The following DLG2 variants were observed in gnomAD, a reference collection of about 807,000 sequenced individuals.
DLG2 encodes the protein disks large homolog 2.
DLG2 carries 45 observed loss-of-function variants against 132.5 expected under a neutral mutation model. That is an observed-to-expected ratio of 0.34 (90% CI 0.27 to 0.44). The LOEUF is 0.44. DLG2 is among the 20% of genes least tolerant of loss of function. DLG2 has a pLI of 1.00. For synonymous variants in DLG2, 424 were observed against 419.6 expected (o/e 1.01, Z -0.13); for missense variants, 1,045 against 1,196.9 (o/e 0.87, Z 1.87).
chr11:83,978,341 ACTAT>A lies in DLG2; in HGVS notation c.1056+2161_1056+2164del, dbSNP rs1219495996. ...CCGTGAGTCAAAGGTCAAACCAGTAACTATCTAAGACAGTCATTACTTGAGAACG... is the reference window on the plus strand; with the variant it reads ...CCGTGAGTCAAAGGTCAAACCAGTAACTAAGACAGTCATTACTTGAGAACG... On this transcript the variant is annotated intron_variant, in intron 12 of 27. Coordinates refer to ENST00000376104, the MANE Select transcript of DLG2 (RefSeq NM_001142699.3). 3.3e-5 allele frequency among the ~76,000 whole-genome samples: 5 copies of A among 152,178 alleles called. No homozygotes were observed. The East Asian group carries it at 7.7e-4, about 23-fold the overall frequency.
chr11:84,723,511 A>G (rs1161256454), intron 6 of DLG2, among the ~76,000 whole-genome samples: 4 of 152,150 alleles, frequency 2.6e-5, no homozygotes, highest in African/African-American at 7.2e-5. Context: ...TCCTCTCCAA[A>G]TAATAACTCT....
chr11:84,658,731 T>C (rs1182948398), intron 6 of DLG2, among the ~76,000 whole-genome samples: 1 of 152,110 alleles, frequency 6.6e-6, no homozygotes, highest in Non-Finnish European at 1.5e-5. Flanking sequence ...CCACTCCTCT[T>C]TTGCCTTCCA....
At chr11:84,263,114 C>A (rs2097568844) in intron 7 of DLG2, among the ~76,000 whole-genome samples, 2 of 152,050 alleles carry the variant, frequency 1.3e-5, no homozygotes, top group African/African-American at 2.4e-5. Context: ...ACTGAGTCTC[C>A]CCAGTTAGTT....
At chr11:84,875,162 G>A (rs573289532) in intron 6 of DLG2, among the ~76,000 whole-genome samples, 69 of 152,114 alleles carry the variant, frequency 4.5e-4, no homozygotes, top group African/African-American at 1.6e-3. Context: ...TAAGAATGAC[G>A]GAGGAGGGGA....
Position 83,713,380 on chromosome 11 carries a change from G to A in DLG2, c.1825+73310C>T, listed in dbSNP as rs183640800. The stretch of plus-strand genomic sequence containing the variant: ...ATGGGTGAGGTTTGCATAAAAGACG[G>A]ATTTCCAGAGTCGAAGAACATCAAA... On this transcript the variant is annotated intron_variant, in intron 18 of 27. Coordinates refer to ENST00000376104, the MANE Select transcript of DLG2 (RefSeq NM_001142699.3). 2.5e-4 allele frequency among the ~76,000 whole-genome samples: 38 copies of A among 152,316 alleles called. 1 individual carries two copies. Among genetic ancestry groups the A allele is most frequent in the African/African-American group, 8.9e-4 (37 of 41,574 alleles).
intron 21 of DLG2, among the ~76,000 whole-genome samples, chr11:83,493,236 C>G (rs2093958480): frequency 6.6e-6 from 1 of 152,080 alleles, no homozygotes; most frequent in African/African-American, 2.4e-5. Context: ...GTTCAGAGTT[C>G]TACTCACATA....
intron 2 of DLG2, among the ~76,000 whole-genome samples, chr11:85,614,530 C>T (rs2081215601): frequency 6.6e-6 from 1 of 152,134 alleles, no homozygotes; most frequent in African/African-American, 2.4e-5. Flanking sequence ...ATCCCAGCTA[C>T]TCAGGAGGCT....
intron 10 of DLG2, among the ~76,000 whole-genome samples, chr11:84,069,407 A>G (rs1003999000): frequency 6.6e-6 from 1 of 152,212 alleles, no homozygotes; most frequent in Non-Finnish European, 1.5e-5. Context: ...AACCTGGACC[A>G]GGAGACCACA....
At chr11:84,045,026 G>T (rs2096209573) in intron 11 of DLG2, among the ~76,000 whole-genome samples, 2 of 151,784 alleles carry the variant, frequency 1.3e-5, no homozygotes, top group South Asian at 2.1e-4. Context: ...GTTGCTAATT[G>T]TCCCTAAGTT....
intron 9 of DLG2, among the ~76,000 whole-genome samples, chr11:84,152,886 T>C (rs2154252626): frequency 6.6e-6 from 1 of 152,322 alleles, no homozygotes; most frequent in East Asian, 1.9e-4. Flanking sequence ...GTTTTGATAC[T>C]GTCATCCTGT....
chr11:85,142,182 T>C (rs1335931299), intron 5 of DLG2, among the ~76,000 whole-genome samples: 1 of 151,872 alleles, frequency 6.6e-6, no homozygotes, highest in African/African-American at 2.4e-5. Flanking sequence ...ATTTCTCCAA[T>C]CTATTAACAC....
At chr11:83,679,633 C>G (rs1186121977) in intron 18 of DLG2, among the ~76,000 whole-genome samples, 1 of 152,094 alleles carries the variant, frequency 6.6e-6, no homozygotes, top group African/African-American at 2.4e-5. Context: ...GTTTACCATG[C>G]CAATTTCTTT....
intron 6 of DLG2, among the ~76,000 whole-genome samples, chr11:84,624,427 T>C (rs1392467705): frequency 6.6e-6 from 1 of 152,176 alleles, no homozygotes; most frequent in Non-Finnish European, 1.5e-5. Flanking sequence ...TGTAAACATC[T>C]TACAATTGAT....
intron 3 of DLG2, among the ~76,000 whole-genome samples, chr11:85,410,514 T>G (rs1257987258): frequency 6.6e-6 from 1 of 151,794 alleles, no homozygotes; most frequent in African/African-American, 2.4e-5. Context: ...CACTACAATC[T>G]GCCCCAAAAT....
chr11:84,732,639 A>C (rs922304106), intron 6 of DLG2, among the ~76,000 whole-genome samples: 2 of 151,386 alleles, frequency 1.3e-5, no homozygotes, highest in Non-Finnish European at 2.9e-5. Flanking sequence ...TTTTATGTAT[A>C]TATATAAATA....
intron 22 of DLG2, among the ~76,000 whole-genome samples, chr11:83,478,578 T>A (rs1319670943): frequency 1.3e-5 from 2 of 152,070 alleles, no homozygotes; most frequent in African/African-American, 4.8e-5. Context: ...AACTTAATAA[T>A]TCTGGGAAAA....
At chr11:83,626,510 C>G (rs75036526) in intron 19 of DLG2, among the ~76,000 whole-genome samples, 10 of 152,028 alleles carry the variant, frequency 6.6e-5, no homozygotes, top group African/African-American at 2.2e-4. Flanking sequence ...TTAAGTTAAA[C>G]GAGGGGCAAG....
At chr11:85,398,415 A>T (rs2087642809) in intron 3 of DLG2, among the ~76,000 whole-genome samples, 1 of 152,174 alleles carries the variant, frequency 6.6e-6, no homozygotes, top group Admixed American at 6.6e-5. Flanking sequence ...AGAAGGCAAG[A>T]AATAACTAAG....
At chr11:83,859,102 A>T (rs1299009337) in intron 16 of DLG2, among the ~76,000 whole-genome samples, 1 of 152,212 alleles carries the variant, frequency 6.6e-6, no homozygotes, top group Non-Finnish European at 1.5e-5. Context: ...AAATCCATTA[A>T]AACTCTTTTT....
Sources: allele counts gnomAD v4.1 joint callset (sites outside exome capture counted in the v4.1 genomes callset), GRCh38; gene constraint gnomAD v4.1.1; transcripts MANE v1.5; gene names NCBI Gene and HGNC (gene_info 2026-07-23, HGNC 2026-07-21).